Variants in NAV3 observed in about 807,000 individuals in gnomAD.
NAV3 encodes the protein neuron navigator 3.
A neutral mutation model predicts 244.7 loss-of-function variants in NAV3; 87 were observed. That is an observed-to-expected ratio of 0.36 (90% confidence interval 0.30 to 0.42). The LOEUF (loss-of-function observed/expected upper bound fraction) is 0.42. Among genes scored for constraint, NAV3 ranks in the 20% least tolerant of loss-of-function variants. The probability of loss-of-function intolerance (pLI) is 1.00; values close to 1 mark genes in which losing one functional copy is unlikely to be tolerated. For synonymous variants in NAV3, 1,126 were observed against 1,042.2 expected, an observed-to-expected ratio of 1.08 and a Z score of -1.55; for missense variants, 2,663 against 2,893.3, an observed-to-expected ratio of 0.92 and a Z score of 1.83.
chr12:78,146,243 A>G, intron 20 of NAV3, 126 bp from the exon 21 acceptor site: 3 of 324,888 alleles, frequency 9.2e-6, no homozygotes, highest in Non-Finnish European at 1.7e-5. Context: ...AACTTAATGT[A>G]TTTCATTCTA....
chr12:77,719,194 T>A (rs888641859), intron 2 of NAV3, among the ~76,000 whole-genome samples: 7 of 152,180 alleles, frequency 4.6e-5, no homozygotes, highest in African/African-American at 1.7e-4. Flanking sequence ...CTAAATTTGT[T>A]TTTTCTAACA....
chr12:77,936,538 G>T (rs1437990516), intron 1 of NAV3, among the ~76,000 whole-genome samples: 2 of 152,074 alleles, frequency 1.3e-5, no homozygotes, highest in Non-Finnish European at 2.9e-5. Flanking sequence ...GTTTGATATT[G>T]TTCCCAATTA....
At chr12:77,793,380 G>A (rs942907377) in intron 2 of NAV3, among the ~76,000 whole-genome samples, 4 of 152,122 alleles carry the variant, frequency 2.6e-5, no homozygotes, top group African/African-American at 9.7e-5. Flanking sequence ...ACAAATACAT[G>A]TGCCATGGTG....
At chr12:77,627,330 C>A (rs1292788576) in intron 2 of NAV3, among the ~76,000 whole-genome samples, 2 of 152,064 alleles carry the variant, frequency 1.3e-5, no homozygotes, top group African/African-American at 4.8e-5. Flanking sequence ...TCAATACAAT[C>A]ATTAAACAAA....
intron 12 of NAV3, among the ~76,000 whole-genome samples, chr12:78,108,946 C>T (rs751198048): frequency 1.3e-5 from 2 of 151,382 alleles, no homozygotes; most frequent in Non-Finnish European, 3.0e-5. Context: ...AGAAGAAACA[C>T]AATAATAAAG....
At chr12:78,037,441 C>A in intron 9 of NAV3, 2 of 636,596 alleles carry the variant, frequency 3.1e-6, no homozygotes, top group South Asian at 3.4e-5. Context: ...ATTTCATAGT[C>A]TCTTATGAAA....
intron 12 of NAV3, among the ~76,000 whole-genome samples, chr12:78,072,011 G>T (rs1461110275): frequency 5.9e-5 from 9 of 152,156 alleles, no homozygotes; most frequent in African/African-American, 2.2e-4. Flanking sequence ...CAACATACCA[G>T]AATCTCTGGG....
chr12:77,866,603 G>A (rs1375449230), intron 1 of NAV3, among the ~76,000 whole-genome samples: 2 of 152,164 alleles, frequency 1.3e-5, no homozygotes, highest in African/African-American at 4.8e-5. Context: ...TGAATTTTAA[G>A]AAGTGACTTG....
intron 2 of NAV3, among the ~76,000 whole-genome samples, chr12:77,700,666 G>T (rs1875521195): frequency 6.6e-6 from 1 of 151,992 alleles, no homozygotes. Flanking sequence ...TTACTATTGA[G>T]TATGATTTGT....
chr12:77,998,043 G>A (rs1258879494), intron 6 of NAV3, among the ~76,000 whole-genome samples: 1 of 152,150 alleles, frequency 6.6e-6, no homozygotes, highest in Non-Finnish European at 1.5e-5. Context: ...GTACTTTTAA[G>A]GCAAAGTTTT....
At chr12:77,846,324 T>C (rs900400753) in intron 1 of NAV3, among the ~76,000 whole-genome samples, 1 of 152,242 alleles carries the variant, frequency 6.6e-6, no homozygotes, top group African/African-American at 2.4e-5. Flanking sequence ...GCATAATGAA[T>C]GAATGCAATG....
intron 23 of NAV3, among the ~76,000 whole-genome samples, chr12:78,168,094 T>C (rs990024555): frequency 2.0e-5 from 3 of 151,692 alleles, no homozygotes; most frequent in Non-Finnish European, 4.4e-5. Flanking sequence ...ATAATACATA[T>C]ATTTTATTTA....
At chr12:78,039,350 C>G (rs754683332) in intron 9 of NAV3, among the ~76,000 whole-genome samples, 8 of 152,066 alleles carry the variant, frequency 5.3e-5, no homozygotes, top group Non-Finnish European at 1.2e-4. Flanking sequence ...TCTTAGATAT[C>G]CTCCTAAATC....
At chr12:78,183,364 G>A (rs1171476026) in intron 30 of NAV3, among the ~76,000 whole-genome samples, 1 of 151,848 alleles carries the variant, frequency 6.6e-6, no homozygotes, top group Non-Finnish European at 1.5e-5. Flanking sequence ...GCAAAACTTA[G>A]TAAACACTGA....
intron 12 of NAV3, among the ~76,000 whole-genome samples, chr12:78,102,641 C>T (rs754538275): frequency 2.0e-5 from 3 of 152,220 alleles, no homozygotes; most frequent in Non-Finnish European, 2.9e-5. Context: ...TTCATGAGGG[C>T]CGTGCCCCTG....
intron 2 of NAV3, among the ~76,000 whole-genome samples, chr12:77,675,305 G>A (rs1018197953): frequency 3.9e-5 from 6 of 152,114 alleles, no homozygotes; most frequent in African/African-American, 9.7e-5. Flanking sequence ...TTGTGGGGAC[G>A]GGCTAGGCAA....
intron 2 of NAV3, among the ~76,000 whole-genome samples, chr12:77,639,751 G>A (rs1168053993): frequency 1.3e-5 from 2 of 152,182 alleles, no homozygotes; most frequent in Non-Finnish European, 2.9e-5. Context: ...GACATTAGGT[G>A]CCTGGAGAAG....
chr12:77,958,441 A>G (rs1199585428), intron 3 of NAV3, among the ~76,000 whole-genome samples: 1 of 152,206 alleles, frequency 6.6e-6, no homozygotes, highest in African/African-American at 2.4e-5. Flanking sequence ...GGATGCTAAT[A>G]TTAAGTATAT....
At chr12:77,624,624 T>C (rs1189928191) in intron 2 of NAV3, among the ~76,000 whole-genome samples, 2 of 152,022 alleles carry the variant, frequency 1.3e-5, no homozygotes, top group South Asian at 2.1e-4. Context: ...AGGTGGAGTT[T>C]ACAGGATATG....
Sources: gnomAD v4.1 joint callset for allele counts (sites outside exome capture counted in the v4.1 genomes callset) on GRCh38, gnomAD v4.1.1 for gene constraint, MANE v1.5 for transcripts, NCBI Gene and HGNC (gene_info 2026-07-23, HGNC 2026-07-21) for gene names.